QKI: variants seen among roughly 807,000 people sequenced by gnomAD.
The protein encoded by QKI is QKI, KH domain containing RNA binding, also known as KH domain-containing RNA-binding protein QKI.
Under a neutral mutation model 39.0 loss-of-function variants are expected in QKI, and 10 were observed. The ratio of observed to expected loss-of-function variants is 0.26; its 90% CI spans 0.16 to 0.43. QKI has a LOEUF of 0.43. Ranked by LOEUF, QKI falls within the 20% of genes least tolerant of loss-of-function variation. The pLI is 1.00. For missense variants in QKI, 218 were observed against 428.0 expected, an observed-to-expected ratio of 0.51 and a Z score of 4.33; for synonymous variants, 204 against 155.4, an observed-to-expected ratio of 1.31 and a Z score of -2.33.
intron 3 of QKI, among the ~76,000 whole-genome samples, chr6:163,492,934 A>G (rs1358753145): frequency 6.6e-6 from 1 of 152,148 alleles, no homozygotes; most frequent in Non-Finnish European, 1.5e-5. Context: ...TTTATAACAT[A>G]AAAATGAATT....
intron 2 of QKI, among the ~76,000 whole-genome samples, chr6:163,464,737 C>T (rs1239909413): frequency 1.3e-5 from 2 of 152,146 alleles, no homozygotes; most frequent in Non-Finnish European, 2.9e-5. Flanking sequence ...GACAGCTTCA[C>T]GGGCAAATTC....
intron 1 of QKI, among the ~76,000 whole-genome samples, chr6:163,422,189 A>G (rs1031976350): frequency 6.6e-6 from 1 of 152,008 alleles, no homozygotes; most frequent in African/African-American, 2.4e-5. Flanking sequence ...AAAGGACTGC[A>G]CTTAATGTTT....
rs528008286 is a variant in QKI at position 163,573,182 on chromosome 6, T to G, written c.*2472T>G. On this transcript the variant is annotated 3_prime_UTR_variant, in exon 8 of 8. Transcript: ENST00000361752. Reference sequence around the variant, plus strand: ...TTTGAAAACTTGGTTGACAAAATTTTGGATCAACTGAAAAAAGCATGACTT... The same window carrying G: ...TTTGAAAACTTGGTTGACAAAATTTGGGATCAACTGAAAAAAGCATGACTT... 1.3e-5 allele frequency: 2 copies of G among 152,330 alleles called. No individual in the cohort carries two copies. Among genetic ancestry groups the G allele is most frequent in the African/African-American group, 4.8e-5 (2 of 41,584 alleles). 9.4% of individuals were successfully genotyped at this position (152,330 alleles called of 1,614,324 possible).
chr6:163,423,629 T>C (rs1788180432), intron 1 of QKI: 2 of 152,258 alleles, frequency 1.3e-5, no homozygotes, highest in African/African-American at 4.8e-5. Context: ...TTGCTAATTC[T>C]GTGATATGCT....
chr6:163,563,334 C>T, intron 5 of QKI, 86 bp from the exon 6 acceptor site: 1 of 1,264,024 alleles, frequency 7.9e-7, no homozygotes, highest in Non-Finnish European at 1.1e-6. Flanking sequence ...CCTGCTTTTC[C>T]TTTCTTTTTC....
intron 2 of QKI, among the ~76,000 whole-genome samples, chr6:163,471,048 A>G (rs1391736558): frequency 1.3e-5 from 2 of 152,172 alleles, no homozygotes; most frequent in African/African-American, 2.4e-5. Flanking sequence ...TATATTTATC[A>G]TACTTACTGA....
intron 3 of QKI, among the ~76,000 whole-genome samples, chr6:163,506,724 AC>A (rs1779118098): frequency 6.6e-6 from 1 of 152,174 alleles, no homozygotes; most frequent in Non-Finnish European, 1.5e-5. Context: ...AGTGCCTGGC[AC>A]ATTGTAGACA....
At chr6:163,505,871 C>T (rs2321700) in intron 3 of QKI, among the ~76,000 whole-genome samples, 104,978 of 151,832 alleles carry the variant, frequency 0.69, 37,344 homozygotes, top group East Asian at 1. Flanking sequence ...GGGTCAGGGG[C>T]GGAATTACAT....
chr6:163,510,444 C>T (rs576769107), intron 3 of QKI, among the ~76,000 whole-genome samples: 11 of 151,054 alleles, frequency 7.3e-5, no homozygotes, highest in Non-Finnish European at 1.6e-4. Flanking sequence ...CCCTATAACC[C>T]CAGCTACTTG....
chr6:163,481,397 C>G (rs979306258), intron 3 of QKI, among the ~76,000 whole-genome samples: 2 of 152,136 alleles, frequency 1.3e-5, no homozygotes, highest in Admixed American at 1.3e-4. Flanking sequence ...TGAGAGCCTA[C>G]CATGGCTATT....
At chr6:163,533,558 T>C (rs1216583903) in intron 3 of QKI, among the ~76,000 whole-genome samples, 2 of 152,226 alleles carry the variant, frequency 1.3e-5, no homozygotes, top group African/African-American at 4.8e-5. Context: ...ACATTGATTT[T>C]TGTATGTTCT....
At chr6:163,553,501 TA>T (rs1358456065) in intron 4 of QKI, among the ~76,000 whole-genome samples, 1 of 152,150 alleles carries the variant, frequency 6.6e-6, no homozygotes, top group African/African-American at 2.4e-5. Flanking sequence ...TATCATCTAA[TA>T]ATATCCGTCT....
At chr6:163,566,881 A>G in intron 7 of QKI, 86 bp downstream of exon 7, 2 of 1,547,802 alleles carry the variant, frequency 1.3e-6, no homozygotes, top group Non-Finnish European at 1.8e-6. Flanking sequence ...GGAAAAATGT[A>G]ATTGCTTACC....
chr6:163,550,471 T>G (rs1258909249), intron 4 of QKI, among the ~76,000 whole-genome samples: 1 of 152,196 alleles, frequency 6.6e-6, no homozygotes, highest in Non-Finnish European at 1.5e-5. Flanking sequence ...TACAGGAATT[T>G]CAGTAATCAG....
chr6:163,459,064 G>C (rs1004697267), intron 2 of QKI, among the ~76,000 whole-genome samples: 2 of 152,166 alleles, frequency 1.3e-5, no homozygotes, highest in Admixed American at 1.3e-4. Context: ...CTGTATGTTG[G>C]CTGAGGGTCT....
At chr6:163,503,968 C>T (rs540370278) in intron 3 of QKI, among the ~76,000 whole-genome samples, 8 of 152,046 alleles carry the variant, frequency 5.3e-5, no homozygotes, top group Non-Finnish European at 1.0e-4. Context: ...GTCTCGAACT[C>T]GTGAGCTCAG....
chr6:163,434,868 C>T (rs900195842), intron 1 of QKI, among the ~76,000 whole-genome samples: 1 of 151,910 alleles, frequency 6.6e-6, no homozygotes, highest in Non-Finnish European at 1.5e-5. Flanking sequence ...TTTCCCCCCT[C>T]AGTATTGTGA....
At chr6:163,547,447 T>C (rs1781951458) in intron 4 of QKI, among the ~76,000 whole-genome samples, 1 of 152,240 alleles carries the variant, frequency 6.6e-6, no homozygotes, top group Non-Finnish European at 1.5e-5. Flanking sequence ...CTGGACAGTC[T>C]GTTCTGTAAC....
intron 4 of QKI, among the ~76,000 whole-genome samples, chr6:163,552,357 C>T (rs923080210): frequency 3.2e-4 from 48 of 151,590 alleles, no homozygotes; most frequent in African/African-American, 1.0e-3. Flanking sequence ...TACAGGTGCC[C>T]GCCACCACGC....
Sources: allele counts gnomAD v4.1 joint callset (sites outside exome capture counted in the v4.1 genomes callset), GRCh38; gene constraint gnomAD v4.1.1; transcripts MANE v1.5; gene names NCBI Gene and HGNC (gene_info 2026-07-23, HGNC 2026-07-21).